Variants in SARS2 observed in about 807,000 individuals in gnomAD.
SARS2 encodes serine--tRNA ligase, mitochondrial.
In SARS2, 52 loss-of-function variants were observed where a neutral mutation model predicts 66.8. The observed-to-expected ratio is 0.78, with a 90% CI of 0.62 to 0.98. SARS2 has a LOEUF of 0.98. Among genes scored for constraint, SARS2 ranks in the 50% least tolerant of loss-of-function variants. SARS2 has a pLI of 0.00. For missense variants in SARS2, 673 were observed against 706.3 expected (o/e 0.95, Z 0.53); for synonymous variants, 306 against 281.4 (o/e 1.09, Z -0.87).
rs1300975251 is a variant in SARS2, at chr19:38,922,271, G to C, written c.364-4C>G. The C allele has an allele frequency of 6.2e-7, 1 of 1,614,074 alleles. No homozygotes were observed. ...CTTCACCACTGTCCTGGTTTGCCTG[G>C]TAGAAAAGAGACAGGGTGGGTGATT... On this transcript the variant is annotated splice_polypyrimidine_tract_variant and splice_region_variant and intron_variant, in intron 2 of 15. Transcript: ENST00000221431.
Position 38,915,393 on chromosome 19 carries a change from C to G in SARS2, c.*213G>C, listed in dbSNP as rs1264531805. On this transcript the variant is annotated 3_prime_UTR_variant, in exon 16 of 16. Coordinates refer to ENST00000221431, the MANE Select transcript of SARS2 (RefSeq NM_017827.4). ...CGTAAAGCCCAGACGTCCTGCTTCC[C>G]ACTGGGACCCTCAATGATAACAGGG... 1 of 601,214 alleles carries G rather than the reference C, an allele frequency of 1.7e-6. No homozygotes were observed. The highest frequency in any genetic ancestry group is 3.0e-6 in the Non-Finnish European group (1 of 338,464). 37.2% of individuals were successfully genotyped at this position (601,214 alleles called of 1,614,324 possible). A position where few individuals can be genotyped will look rare whatever the true frequency, so the allele number is the denominator to read the frequency against.
intron 7 of SARS2, among the ~76,000 whole-genome samples, chr19:38,919,305 G>C (rs79410427): frequency 1.8e-3 from 271 of 152,224 alleles, no homozygotes; most frequent in Non-Finnish European, 2.9e-3. Context: ...AAAAAGTACA[G>C]ATTTGGCCAC....
At position 38,930,681 on chromosome 19, in the gene SARS2, C is replaced by G; in HGVS notation, c.56G>C (p.Arg19Pro). 6.2e-7 allele frequency: 1 copy of G among 1,614,008 alleles called. No homozygotes were observed. The highest frequency in any genetic ancestry group is 8.5e-7 in the Non-Finnish European group (1 of 1,180,032). The change falls in exon 1 of 16, where the codon CGG (arginine) becomes CCG (proline). Residue 19 changes from arginine to proline, a missense_variant. By Grantham distance (103) the Arg-to-Pro change is moderately radical. Coordinates refer to ENST00000221431, the MANE Select transcript of SARS2 (RefSeq NM_017827.4). ...GTTGGAGATGCAGCCTCCCCGGGGC[C>G]GGAACCCCCGACGAGTCAGCAAAGG... ...LWPLLTRRGF[R>P]PRGGCISNDS...
At position 38,930,561 on chromosome 19, in the gene SARS2, T is replaced by C. The variant is rs145163692; in HGVS notation, c.176A>G (p.Asp59Gly). 111 of 1,613,768 alleles carry C rather than the reference T, an allele frequency of 6.9e-5. No homozygotes were observed. Among genetic ancestry groups the C allele is most frequent in the Non-Finnish European group, 8.8e-5 (104 of 1,180,014 alleles). Residue 59 changes from aspartate (D) to glycine (G), a missense_variant, in exon 1 of 16, where the codon GAC (aspartate) becomes GGC (glycine). Physicochemically the swap from Asp to Gly is moderately conservative, Grantham distance 94. Transcript: ENST00000221431. The stretch of plus-strand genomic sequence containing the variant: ...TGGGCATGCGCAGAACCGCTCTATG[T>C]CCAGCTGAGGGAGTGCGCTGTAGCC... ...REGYSALPQL[D>G]IERFCACPEE...
At chr19:38,917,643 G>A in intron 12 of SARS2, 81 bp downstream of exon 12, 1 of 906,266 alleles carries the variant, frequency 1.1e-6, no homozygotes, top group South Asian at 1.3e-5. Context: ...GGTGGTTCCA[G>A]AGCGAAGAGC....
Position 38,917,874 on chromosome 19 carries a change from T to G in SARS2, c.1051-41A>C, listed in dbSNP as rs372020988. On this transcript the variant is annotated intron_variant, in intron 11 of 15. Transcript: ENST00000221431. ...CAGGAGTCAGGAGGCTCTGAGCTCT[T>G]GGGGTGGCCCCCCACCCCAGCCCCG... 4 of 1,613,252 alleles carry G rather than the reference T, an allele frequency of 2.5e-6. No homozygotes were observed. The African/African-American group carries it at 5.3e-5, about 22-fold the overall frequency.
At chr19:38,917,684 C>A in intron 12 of SARS2, 40 bp downstream of exon 12, 2 of 1,020,772 alleles carry the variant, frequency 2.0e-6, no homozygotes, top group Non-Finnish European at 3.0e-6. Context: ...CTCCCCTACC[C>A]CACCCCTGCC....
intron 8 of SARS2, 63 bp downstream of exon 8, chr19:38,918,703 T>TCGGGCACCCACGGCAGGGC: frequency 6.5e-7 from 1 of 1,536,640 alleles, no homozygotes; most frequent in Non-Finnish European, 8.8e-7. Context: ...TTTCCCTGCC[T>TCGGGCACCCACGGCAGGGC]CGGGCACCCA....
At chr19:38,916,337 G>A in intron 12 of SARS2, 23 bp from the exon 13 acceptor site, 3 of 1,604,564 alleles carry the variant, frequency 1.9e-6, no homozygotes, top group Non-Finnish European at 2.6e-6. Context: ...ACGAAGGTGT[G>A]GGGAAGGTCA....
rs754671548 is a variant in SARS2 at position 38,915,429 on chromosome 19, ACT to A, written c.*175_*176del. The A allele has an allele frequency of 4.0e-5, 26 of 657,944 alleles. No individual in the cohort carries two copies. The highest frequency in any genetic ancestry group is 3.5e-4 in the African/African-American group (19 of 54,998). 40.8% of individuals were successfully genotyped at this position (657,944 alleles called of 1,614,324 possible). On this transcript the variant is annotated 3_prime_UTR_variant, in exon 16 of 16. Coordinates refer to ENST00000221431, the MANE Select transcript of SARS2 (RefSeq NM_017827.4). ...TCAATGATAACAGGGTCAGTGACTG[ACT>A]CTGAGGCAGCAAGGACAGAGGAGAG...
rs1279234167 is a variant in SARS2 at position 38,918,792 on chromosome 19, G to C, written c.781C>G (p.Pro261Ala). The change falls in exon 8 of 16, where the codon CCA (proline) becomes GCA (alanine). Residue 261 changes from proline to alanine, a missense_variant. By Grantham distance (27) the Pro-to-Ala change is conservative. Transcript: ENST00000221431. The part of the protein sequence containing the change: ...LRRGFTPMTV[P>A]DLLRGAVFEG... ...AACACTGCTCCGCGGAGAAGGTCTGGCACCGTCATGGGGGTGAAGCCCTGT... is the reference window on the plus strand; with the variant it reads ...AACACTGCTCCGCGGAGAAGGTCTGCCACCGTCATGGGGGTGAAGCCCTGT... The C allele has an allele frequency of 1.9e-6, 3 of 1,561,852 alleles. No individual in the cohort carries two copies. Among genetic ancestry groups the C allele is most frequent in the Non-Finnish European group, 2.6e-6 (3 of 1,152,240 alleles).
Position 38,921,446 on chromosome 19 carries a change from G to C in SARS2, c.535C>G (p.Pro179Ala). ...KLPNQTHPDV[P>A]VGDESQARVL... ...CGAGCCTGGCTCTCATCCCCGACGGGCTGCAGGGAGACAGCAGGAGTCACG... is the reference window on the plus strand; with the variant it reads ...CGAGCCTGGCTCTCATCCCCGACGGCCTGCAGGGAGACAGCAGGAGTCACG... Residue 179 changes from proline (P) to alanine (A), a missense_variant and splice_region_variant, in exon 5 of 16, where the codon CCC becomes GCC. By Grantham distance (27) the Pro-to-Ala change is conservative. Coordinates refer to ENST00000221431, the MANE Select transcript of SARS2 (RefSeq NM_017827.4). 1.2e-6 allele frequency: 2 copies of C among 1,614,118 alleles called. No individual in the cohort carries two copies. Among genetic ancestry groups the C allele is most frequent in the Non-Finnish European group, 1.7e-6 (2 of 1,180,032 alleles).
intron 4 of SARS2, 29 bp from the exon 5 acceptor site, chr19:38,921,475 A>G: frequency 6.2e-7 from 1 of 1,614,144 alleles, no homozygotes; most frequent in Non-Finnish European, 8.5e-7. Context: ...AGTCACGGAA[A>G]GGTGGCACTA....
Position 38,915,505 on chromosome 19 carries a change from A to G in SARS2, c.*101T>C, listed in dbSNP as rs756735022. 10 of 1,430,862 alleles carry G rather than the reference A, an allele frequency of 7.0e-6. No individual in the cohort carries two copies. Among genetic ancestry groups the G allele is most frequent in the Non-Finnish European group, 9.6e-6 (10 of 1,040,592 alleles). 88.6% of individuals were successfully genotyped at this position (1,430,862 alleles called of 1,614,324 possible). On this transcript the variant is annotated 3_prime_UTR_variant, in exon 16 of 16. Coordinates refer to ENST00000221431, the MANE Select transcript of SARS2 (RefSeq NM_017827.4). ...CGGGCGTGGAGCTGACAGGAAGAAC[A>G]CAGATGTCAGGACGGGCTCAGCAAC...
intron 1 of SARS2, chr19:38,929,915 T>C (rs1247043537): frequency 6.5e-6 from 1 of 152,800 alleles, no homozygotes; most frequent in East Asian, 1.9e-4. Context: ...CACCGCATAT[T>C]TGCAACATCT....
Position 38,918,532 on chromosome 19 carries a change from TG to T in SARS2, c.808-3del, listed in dbSNP as rs1974462155. ...ATTTGGTGTCATCCCACAGCCTTCC[TG>T]GGGGAGGAGGCCAGGCCACAGGGAT... On this transcript the variant is annotated splice_region_variant and splice_polypyrimidine_tract_variant and intron_variant, in intron 8 of 15. Coordinates refer to ENST00000221431, the MANE Select transcript of SARS2 (RefSeq NM_017827.4). 1 of 1,611,578 alleles carries T rather than the reference TG, an allele frequency of 6.2e-7. No individual in the cohort carries two copies. Among genetic ancestry groups the T allele is most frequent in the Non-Finnish European group, 8.5e-7 (1 of 1,177,614 alleles).
intron 2 of SARS2, among the ~76,000 whole-genome samples, chr19:38,925,380 C>T (rs1191090781): frequency 6.6e-6 from 1 of 152,210 alleles, no homozygotes; most frequent in African/African-American, 2.4e-5. Flanking sequence ...GCAGTTCACC[C>T]TTCCCTGGTA....
chr19:38,921,939 A>G (rs1974544001), intron 3 of SARS2: 4 of 1,529,936 alleles, frequency 2.6e-6, no homozygotes, highest in Admixed American at 2.0e-5. Context: ...ACTCATGAGA[A>G]TCAGCCCCAG....
Position 38,917,953 on chromosome 19 carries a change from G to A in SARS2, c.1018C>T (p.Arg340Trp), listed in dbSNP as rs765803456. The change falls in exon 11 of 16, where the codon CGG becomes TGG. Residue 340 changes from arginine (R) to tryptophan (W), a missense_variant. Physicochemically the swap from Arg to Trp is moderately radical, Grantham distance 101. Coordinates refer to ENST00000221431, the MANE Select transcript of SARS2 (RefSeq NM_017827.4). ...RAETNTGQEP[R>W]GLYRVHHFTK... Reference sequence around the variant, plus strand: ...AAGTGGTGTACTCGATACAGCCCCCGGGGTTCCTGTCCCGTGTTTGTCTCT... The same window carrying A: ...AAGTGGTGTACTCGATACAGCCCCCAGGGTTCCTGTCCCGTGTTTGTCTCT... 2.5e-5 allele frequency: 41 copies of A among 1,608,826 alleles called. No homozygotes were observed. Among genetic ancestry groups the A allele is most frequent in the Non-Finnish European group, 1.9e-5 (22 of 1,177,540 alleles).
Sources: allele counts gnomAD v4.1 joint callset (sites outside exome capture counted in the v4.1 genomes callset), GRCh38; gene constraint gnomAD v4.1.1; transcripts MANE v1.5; gene names NCBI Gene and HGNC (gene_info 2026-07-23, HGNC 2026-07-21).